Variants in RAB35 observed in about 807,000 individuals in gnomAD.
RAB35 encodes RAB35, member RAS oncogene family, also known as ras-related protein Rab-35.
RAB35 carries 4 observed loss-of-function variants against 28.9 expected under a neutral mutation model. The ratio of observed to expected loss-of-function variants is 0.14; its 90% CI spans 0.07 to 0.32. The LOEUF is 0.32. Among genes scored for constraint, RAB35 ranks in the 10% least tolerant of loss-of-function variants. The pLI is 1.00. For synonymous variants in RAB35, 99 were observed against 105.1 expected (o/e 0.94, Z 0.35); for missense variants, 128 against 274.0 (o/e 0.47, Z 3.76).
intron 2 of RAB35, among the ~76,000 whole-genome samples, chr12:120,105,916 C>CAAAAAA (rs61681731): frequency 6.0e-5 from 3 of 49,808 alleles, no homozygotes; most frequent in Admixed American, 1.8e-4. Context: ...GACTCCGTCT[C>CAAAAAA]AAAAAAAAAA....
intron 3 of RAB35, among the ~76,000 whole-genome samples, chr12:120,101,917 G>A (rs1420905127): frequency 6.6e-6 from 1 of 152,220 alleles, no homozygotes; most frequent in African/African-American, 2.4e-5. Flanking sequence ...CTGCATGATG[G>A]CAGGGAGGGG....
intron 2 of RAB35, among the ~76,000 whole-genome samples, chr12:120,107,441 T>C (rs1219661239): frequency 1.3e-5 from 2 of 152,204 alleles, no homozygotes; most frequent in East Asian, 3.8e-4. Context: ...CAAGGGGCAC[T>C]TTCCACCCTT....
chr12:120,102,060 C>T (rs540768460), intron 3 of RAB35, among the ~76,000 whole-genome samples: 9 of 152,236 alleles, frequency 5.9e-5, no homozygotes, highest in South Asian at 2.1e-4. Context: ...AGGCACAGGA[C>T]GGGGCAGGAA....
intron 1 of RAB35, 22 bp from the exon 2 acceptor site, chr12:120,108,489 G>A (rs755836027): frequency 6.8e-6 from 11 of 1,612,024 alleles, no homozygotes; most frequent in East Asian, 6.7e-5. Flanking sequence ...AAAGCACTGC[G>A]ATGAGGGGGG....
In RAB35 at chr12:120,116,639, G is replaced by C. The variant is rs1488749523; in HGVS notation, c.12C>G (p.Asp4Glu). The C allele has an allele frequency of 4.1e-6, 5 of 1,225,206 alleles. No individual in the cohort carries two copies. In the Admixed American group the frequency reaches 1.7e-4, roughly 42 times the overall value. 75.9% of individuals were successfully genotyped at this position (1,225,206 alleles called of 1,614,324 possible). A position where few individuals can be genotyped will look rare whatever the true frequency, so the allele number is the denominator to read the frequency against. ...TGAGCAGCTTGAAGAGGTGGTCGTA[G>C]TCCCGGGCCATGGCGGGCGGGGGCG... MAR[D>E]YDHLFKLLII... Residue 4 changes from aspartate (D) to glutamate (E), a missense_variant, in exon 1 of 6, where the codon GAC becomes GAG. Physicochemically the swap from Asp to Glu is conservative, Grantham distance 45. Transcript: ENST00000229340.
At chr12:120,102,479 C>A (rs768961758) in intron 3 of RAB35, among the ~76,000 whole-genome samples, 14 of 152,200 alleles carry the variant, frequency 9.2e-5, no homozygotes, top group Admixed American at 1.3e-4. Flanking sequence ...CCACACAGCA[C>A]CACACCAGGG....
intron 2 of RAB35, among the ~76,000 whole-genome samples, chr12:120,104,496 T>C (rs2139053840): frequency 6.6e-6 from 1 of 152,226 alleles, no homozygotes; most frequent in East Asian, 1.9e-4. Context: ...AGGCAGAAAG[T>C]GGCGAGGCCA....
chr12:120,108,813 C>T (rs1013668693), intron 1 of RAB35: 2 of 434,340 alleles, frequency 4.6e-6, no homozygotes, highest in African/African-American at 4.0e-5. Flanking sequence ...ACGAAACGGC[C>T]CCCAAGTGCG....
chr12:120,099,882 G>GGAC (rs151152055), intron 3 of RAB35, among the ~76,000 whole-genome samples: 14,725 of 152,210 alleles, frequency 0.097, 964 homozygotes, highest in African/African-American at 0.18. Context: ...CGGAGGAGGA[G>GGAC]GGGGACCACA....
At chr12:120,108,291 T>G (rs539296179) in intron 2 of RAB35, 126 bp downstream of exon 2, 2 of 989,542 alleles carry the variant, frequency 2.0e-6, no homozygotes, top group Non-Finnish European at 3.1e-6. Flanking sequence ...TCTTCTTCCC[T>G]CCTCTGGCAA....
At chr12:120,105,790 G>A (rs544431260) in intron 2 of RAB35, among the ~76,000 whole-genome samples, 3 of 152,172 alleles carry the variant, frequency 2.0e-5, no homozygotes, top group Admixed American at 1.3e-4. Context: ...AGGCGTGGTG[G>A]CGGGCACCTG....
In RAB35 at chr12:120,103,815, T is replaced by G; in HGVS notation, c.227+11A>C. ...GGCGCGGGTTGGGTGGGAGTGGGCGTGTGGACTCACGTGGAGGTGATGGTG... is the reference window on the plus strand; with the variant it reads ...GGCGCGGGTTGGGTGGGAGTGGGCGGGTGGACTCACGTGGAGGTGATGGTG... On this transcript the variant is annotated intron_variant, in intron 3 of 5. Transcript: ENST00000229340. This position sits in a 1 kb window ranked among gnomAD's most constrained non-coding sequence, Gnocchi z 6.1. 1 of 1,613,520 alleles carries G rather than the reference T, an allele frequency of 6.2e-7. No homozygotes were observed. Among genetic ancestry groups the G allele is most frequent in the Non-Finnish European group, 8.5e-7 (1 of 1,179,800 alleles).
chr12:120,111,441 G>A (rs946592914), intron 1 of RAB35, among the ~76,000 whole-genome samples: 1 of 152,116 alleles, frequency 6.6e-6, no homozygotes, highest in Non-Finnish European at 1.5e-5. Context: ...CAGCACTTTG[G>A]GAGGCCGAGG....
intron 5 of RAB35, among the ~76,000 whole-genome samples, chr12:120,098,008 C>T (rs1447321118): frequency 1.3e-5 from 2 of 151,930 alleles, no homozygotes; most frequent in East Asian, 1.9e-4. Flanking sequence ...CTCAGCCTCC[C>T]GAGTAGCTGG....
At position 120,096,819 on chromosome 12, in the gene RAB35, G is replaced by A. The variant is rs965424978; in HGVS notation, c.*426C>T. 29 of 1,293,106 alleles carry A rather than the reference G, an allele frequency of 2.2e-5. No individual in the cohort carries two copies. Among genetic ancestry groups the A allele is most frequent in the East Asian group, 5.5e-5 (1 of 18,332 alleles). The allele number at this position is 1,293,106 out of a possible 1,614,324, so 80.1% of individuals were successfully genotyped here. A position where few individuals can be genotyped will look rare whatever the true frequency, so the allele number is the denominator to read the frequency against. ...GCCGCAGACGCAGCTAGAACGTGCC[G>A]CTGTCTCCTCAGGACGCTGCTTGCA... On this transcript the variant is annotated 3_prime_UTR_variant, in exon 6 of 6. Transcript: ENST00000229340.
intron 2 of RAB35, among the ~76,000 whole-genome samples, chr12:120,106,526 G>A (rs998746320): frequency 6.6e-6 from 1 of 151,586 alleles, no homozygotes; most frequent in African/African-American, 2.4e-5. Context: ...CAGTGTCAAG[G>A]AAACAAAGGG....
At chr12:120,108,162 C>T (rs936998261) in intron 2 of RAB35, among the ~76,000 whole-genome samples, 1 of 152,108 alleles carries the variant, frequency 6.6e-6, no homozygotes, top group Non-Finnish European at 1.5e-5. Flanking sequence ...GGGAACCTTC[C>T]TGTTTGGACC....
rs963702615 is a variant in RAB35 at position 120,098,127 on chromosome 12, G to A, written c.477+684C>T. Among the ~76,000 whole-genome samples the A allele has an allele frequency of 9.9e-5, 15 of 152,100 alleles. No individual in the cohort carries two copies. The East Asian group carries it at 1.7e-3, about 18-fold the overall frequency. ...TCTCGATCTCCTGACCTCGTGATCC[G>A]CCCGCCTCGGCCTCCCAAAGCACTG... is the stretch of plus-strand genomic sequence containing the variant. On this transcript the variant is annotated intron_variant, in intron 5 of 5. Transcript: ENST00000229340.
At chr12:120,105,316 C>T (rs907975422) in intron 2 of RAB35, among the ~76,000 whole-genome samples, 5 of 151,036 alleles carry the variant, frequency 3.3e-5, no homozygotes, top group African/African-American at 4.9e-5. Flanking sequence ...GCCAGGGGAA[C>T]GCCAAGGAGT....
Sources: gnomAD v4.1 joint callset for allele counts (sites outside exome capture counted in the v4.1 genomes callset) on GRCh38, gnomAD v4.1.1 for gene constraint, Gnocchi (gnomAD v3.1) non-coding constraint, MANE v1.5 for transcripts, NCBI Gene and HGNC (gene_info 2026-07-23, HGNC 2026-07-21) for gene names.